NFX1: variants seen among roughly 807,000 people sequenced by gnomAD.
NFX1 encodes nuclear transcription factor, X-box binding 1.
A neutral mutation model predicts 137.2 loss-of-function variants in NFX1; 69 were observed. That is an observed-to-expected ratio of 0.50 (90% CI 0.41 to 0.61). NFX1 has a LOEUF of 0.61. Among genes scored for constraint, NFX1 ranks in the 20% least tolerant of loss-of-function variants. The probability of loss-of-function intolerance (pLI) is 0.00; values close to 1 mark genes in which losing one functional copy is unlikely to be tolerated. For synonymous variants in NFX1, 495 were observed against 474.1 expected (o/e 1.04, Z -0.57); for missense variants, 1,167 against 1,391.0 (o/e 0.84, Z 2.56).
intron 9 of NFX1, among the ~76,000 whole-genome samples, chr9:33,324,751 C>T (rs1822514943): frequency 6.6e-6 from 1 of 151,710 alleles, no homozygotes; most frequent in South Asian, 2.1e-4. Context: ...CATGGTGAAA[C>T]CCCGTCTCTA....
chr9:33,316,166 GATA>G (rs1822155779), intron 7 of NFX1, among the ~76,000 whole-genome samples: 1 of 152,100 alleles, frequency 6.6e-6, no homozygotes, highest in African/African-American at 2.4e-5. Context: ...CTGAAAATGG[GATA>G]ATATGTTCCA....
At chr9:33,350,095 G>A (rs1162961959) in intron 15 of NFX1, among the ~76,000 whole-genome samples, 2 of 152,078 alleles carry the variant, frequency 1.3e-5, no homozygotes, top group African/African-American at 2.4e-5. Context: ...CCTGAGGTCA[G>A]CAGTTGGAGA....
Position 33,352,680 on chromosome 9 carries a change from A to G in NFX1, c.2690A>G (p.Glu897Gly), listed in dbSNP as rs749063841. The G allele has an allele frequency of 4.3e-6, 7 of 1,614,224 alleles. No homozygotes were observed. Among genetic ancestry groups the G allele is most frequent in the East Asian group, 2.2e-5 (1 of 44,892 alleles). Residue 897 changes from glutamate (E) to glycine (G), a missense_variant, in exon 17 of 24, where the codon GAG (glutamate) becomes GGG (glycine). Glu to Gly is a moderately conservative substitution (Grantham distance 98). This residue lies in a region of NFX1 where 312 missense variants were observed against 312.8 expected (regional missense o/e 1.00). Coordinates refer to ENST00000379540, the MANE Select transcript of NFX1 (RefSeq NM_002504.6). Reference protein sequence around the residue: ...ELQCECGRRKEMVICSEASST... With the variant: ...ELQCECGRRKGMVICSEASST... Reference sequence around the variant, plus strand: ...CAGTGTGAATGTGGACGAAGAAAAGAGATGGTGATTTGCTCTGAAGCATCT... The same window carrying G: ...CAGTGTGAATGTGGACGAAGAAAAGGGATGGTGATTTGCTCTGAAGCATCT...
chr9:33,311,479 T>C (rs1421420299), intron 6 of NFX1, among the ~76,000 whole-genome samples: 4 of 152,196 alleles, frequency 2.6e-5, no homozygotes, highest in Admixed American at 2.6e-4. Context: ...TGTAATCTTA[T>C]AAGTGATTAA....
chr9:33,301,164 TTCTTC>T, intron 2 of NFX1, 94 bp from the exon 3 acceptor site: 2 of 1,110,168 alleles, frequency 1.8e-6, no homozygotes, highest in Non-Finnish European at 2.6e-6. Flanking sequence ...TGTGTTTGGA[TTCTTC>T]TCTTGAGTGA....
At chr9:33,359,373 C>G (rs937455602) in intron 19 of NFX1, among the ~76,000 whole-genome samples, 1 of 151,810 alleles carries the variant, frequency 6.6e-6, no homozygotes, top group Non-Finnish European at 1.5e-5. Context: ...CTGAGGCGGG[C>G]GGATCACTTG....
chr9:33,320,042 A>G (rs1354752773), intron 9 of NFX1, among the ~76,000 whole-genome samples: 2 of 150,588 alleles, frequency 1.3e-5, no homozygotes, highest in Admixed American at 6.6e-5. Flanking sequence ...GCTCACTGCA[A>G]CCTCTACCTC....
In NFX1 at chr9:33,297,380, G is replaced by A. The variant is rs188327495; in HGVS notation, c.1033+1953G>A. ...TTATTCTTGGAACCTCAATGTATAT[G>A]TGAAGCAAAGCAATGTTATACCAGA... On this transcript the variant is annotated intron_variant, in intron 2 of 23. Coordinates refer to ENST00000379540, the MANE Select transcript of NFX1 (RefSeq NM_002504.6). Among the ~76,000 whole-genome samples, 21 of 152,342 alleles carry A rather than the reference G, an allele frequency of 1.4e-4. 1 individual carries two copies. The East Asian group carries it at 3.7e-3, about 27-fold the overall frequency.
Position 33,366,678 on chromosome 9 carries a change from A to T in NFX1, c.3089A>T (p.His1030Leu). 1.9e-6 allele frequency: 3 copies of T among 1,614,186 alleles called. No individual in the cohort carries two copies. In the South Asian group the frequency reaches 3.3e-5, roughly 18 times the overall value. ...SHSFPPMNRDHRRIIHDLAQV... is the reference protein window; with the variant it reads ...SHSFPPMNRDLRRIIHDLAQV... ...AGCTTCCCTCCCATGAACAGAGACC[A>T]CCGCCGGATCATCCATGACTTGGCC... Residue 1030 changes from histidine to leucine, a missense_variant, in exon 22 of 24, where the codon CAC becomes CTC. This residue lies in a region of NFX1 where 312 missense variants were observed against 312.8 expected (regional missense o/e 1.00). Transcript: ENST00000379540.
At chr9:33,323,123 C>T (rs1822446842) in intron 9 of NFX1, among the ~76,000 whole-genome samples, 3 of 152,130 alleles carry the variant, frequency 2.0e-5, no homozygotes, top group Admixed American at 6.6e-5. Context: ...ACAAAGAGAG[C>T]CCTGCTTGAA....
intron 5 of NFX1, among the ~76,000 whole-genome samples, chr9:33,308,170 G>A (rs115182494): frequency 0.015 from 2,341 of 152,220 alleles, 60 homozygotes; most frequent in African/African-American, 0.054. Context: ...AGCCAGACAC[G>A]GTGGCTCATG....
chr9:33,336,878 G>A (rs978493359), intron 11 of NFX1, among the ~76,000 whole-genome samples: 8 of 152,276 alleles, frequency 5.3e-5, no homozygotes, highest in African/African-American at 1.9e-4. Flanking sequence ...AAGGCAGGCG[G>A]ATCACTTGAG....
At chr9:33,293,740 G>A (rs1003923799) in intron 1 of NFX1, among the ~76,000 whole-genome samples, 4 of 152,188 alleles carry the variant, frequency 2.6e-5, no homozygotes, top group Admixed American at 2.6e-4. Flanking sequence ...TTGAAGGGGA[G>A]TATGCTTAAT....
chr9:33,307,324 G>A, intron 5 of NFX1, 25 bp downstream of exon 5: 4 of 1,580,932 alleles, frequency 2.5e-6, no homozygotes, highest in Non-Finnish European at 3.5e-6. Context: ...TAATTCCGTT[G>A]GGATTGCTGG....
intron 7 of NFX1, 131 bp from the exon 8 acceptor site, chr9:33,318,600 T>C: frequency 1.3e-6 from 1 of 778,724 alleles, no homozygotes. Flanking sequence ...AGTACTCTAT[T>C]TGGCCTCCCA....
chr9:33,317,186 G>T (rs1215316150), intron 7 of NFX1, among the ~76,000 whole-genome samples: 1 of 148,572 alleles, frequency 6.7e-6, no homozygotes, highest in South Asian at 2.1e-4. Context: ...TAGGAGGCCA[G>T]GATGGGCTGA....
chr9:33,310,301 A>T (rs1198910990), intron 5 of NFX1, among the ~76,000 whole-genome samples: 2 of 152,160 alleles, frequency 1.3e-5, no homozygotes, highest in Non-Finnish European at 2.9e-5. Flanking sequence ...TGCCACCTAG[A>T]ATATACCCCT....
In NFX1 at chr9:33,351,755, A is replaced by C; in HGVS notation, c.2620A>C (p.Ser874Arg). ...CCCGTGTATGGCACCCTGCCATACC[A>C]GCTCACCCTGCCCTGTGACTGCTTG... ...GHPCMAPCHTSSPCPVTACKA... is the reference protein window; with the variant it reads ...GHPCMAPCHTRSPCPVTACKA... Residue 874 changes from serine (S) to arginine (R), a missense_variant, in exon 16 of 24, where the codon AGC becomes CGC. This residue lies in a region of NFX1 where 312 missense variants were observed against 312.8 expected (regional missense o/e 1.00). Coordinates refer to ENST00000379540, the MANE Select transcript of NFX1 (RefSeq NM_002504.6). 1 of 1,605,088 alleles carries C rather than the reference A, an allele frequency of 6.2e-7. No homozygotes were observed. The highest frequency in any genetic ancestry group is 8.5e-7 in the Non-Finnish European group (1 of 1,175,676).
At chr9:33,318,880 C>T (rs775393859) in intron 8 of NFX1, 30 bp from the exon 9 acceptor site, 1 of 1,614,030 alleles carries the variant, frequency 6.2e-7, no homozygotes, top group Admixed American at 1.7e-5. Flanking sequence ...CTTTATGCAA[C>T]AATTATGTAA....
Sources: allele counts gnomAD v4.1 joint callset (sites outside exome capture counted in the v4.1 genomes callset), GRCh38; gene constraint gnomAD v4.1.1; regional missense constraint gnomAD v4.1.1; transcripts MANE v1.5; gene names NCBI Gene and HGNC (gene_info 2026-07-23, HGNC 2026-07-21).